The following NUDCD2 variants were observed in gnomAD, a reference collection of about 807,000 sequenced individuals.
The protein encoded by NUDCD2 is NudC domain containing 2.
A neutral mutation model predicts 20.8 loss-of-function variants in NUDCD2; 16 were observed. The observed-to-expected ratio is 0.77, with a 90% CI of 0.52 to 1.17. The LOEUF (loss-of-function observed/expected upper bound fraction) is 1.17, where lower values mean the gene tolerates loss of function less well. Ranked by LOEUF, NUDCD2 falls within the 50% of genes most tolerant of loss-of-function variation. NUDCD2 has a pLI of 0.00. For missense variants in NUDCD2, 199 were observed against 193.9 expected, an observed-to-expected ratio of 1.03 and a Z score of -0.16; for synonymous variants, 87 against 72.8, an observed-to-expected ratio of 1.20 and a Z score of -1.00.
Position 163,452,606 on chromosome 5 carries a change from G to T in NUDCD2, c.*1361C>A, listed in dbSNP as rs1230262167. On this transcript the variant is annotated 3_prime_UTR_variant, in exon 4 of 4. Transcript: ENST00000302764. ...TAGTATTTTGCAACTATCTTCTCAA[G>T]AAATAATTATAAAAATAACTACAGT... is the stretch of plus-strand genomic sequence containing the variant. 1 of 152,114 alleles carries T rather than the reference G, an allele frequency of 6.6e-6. No individual in the cohort carries two copies. The highest frequency in any genetic ancestry group is 1.5e-5 in the Non-Finnish European group (1 of 67,992). The allele number at this position is 152,114 out of a possible 1,614,324, so 9.4% of individuals were successfully genotyped here.
chr5:163,458,543 A>G (rs1255700635), intron 1 of NUDCD2, among the ~76,000 whole-genome samples: 1 of 152,058 alleles, frequency 6.6e-6, no homozygotes, highest in East Asian at 1.9e-4. Flanking sequence ...GTGAGCTACA[A>G]TCTCACCCCT....
At chr5:163,457,433 A>G (rs1758350912) in intron 2 of NUDCD2, 129 bp downstream of exon 2, 1 of 654,894 alleles carries the variant, frequency 1.5e-6, no homozygotes, top group Non-Finnish European at 2.7e-6. Context: ...TTGACATACA[A>G]CGGTTTTCAA....
chr5:163,459,672 A>G, intron 1 of NUDCD2, 190 bp downstream of exon 1: 1 of 438,028 alleles, frequency 2.3e-6, no homozygotes, highest in Non-Finnish European at 4.0e-6. Context: ...TAGGCTCCTC[A>G]AATTTCCACA....
chr5:163,455,174 T>C (rs1208467854), intron 3 of NUDCD2, among the ~76,000 whole-genome samples: 1 of 148,434 alleles, frequency 6.7e-6, no homozygotes, highest in Non-Finnish European at 1.5e-5. Flanking sequence ...ATAAGGGAAA[T>C]AAAATTATAT....
In NUDCD2 at chr5:163,449,784, A is replaced by C. The variant is rs571732432; in HGVS notation, c.*4183T>G. Reference sequence around the variant, plus strand: ...CATAAATAGCAATTGATTTCTGACAAAGGTGAAAAGACAACTCAATGGGGA... The same window carrying C: ...CATAAATAGCAATTGATTTCTGACACAGGTGAAAAGACAACTCAATGGGGA... On this transcript the variant is annotated 3_prime_UTR_variant, in exon 4 of 4. Coordinates refer to ENST00000302764, the MANE Select transcript of NUDCD2 (RefSeq NM_145266.6). The C allele has an allele frequency of 6.6e-6, 1 of 152,232 alleles. No individual in the cohort carries two copies. Among genetic ancestry groups the C allele is most frequent in the Non-Finnish European group, 1.5e-5 (1 of 68,038 alleles). 9.4% of individuals were successfully genotyped at this position (152,232 alleles called of 1,614,324 possible). A position where few individuals can be genotyped will look rare whatever the true frequency, so the allele number is the denominator to read the frequency against.
rs1468865715 is a variant in NUDCD2 at position 163,448,938 on chromosome 5, T to C, written c.*5029A>G. 1.3e-5 allele frequency: 2 copies of C among 152,166 alleles called. No individual in the cohort carries two copies. Among genetic ancestry groups the C allele is most frequent in the African/African-American group, 2.4e-5 (1 of 41,438 alleles). 9.4% of individuals were successfully genotyped at this position (152,166 alleles called of 1,614,324 possible). On this transcript the variant is annotated 3_prime_UTR_variant, in exon 4 of 4. Transcript: ENST00000302764. ...ACTCTGCTAACAACAAATTAATAGA[T>C]GGGAACTTGCTCAACATGACAAAGG...
chr5:163,452,148 G>A lies in NUDCD2; in HGVS notation c.*1819C>T, dbSNP rs974436727. ...ATGTGGAGAAGGAAAAAATGAAAAT[G>A]AAGCCCATGGGATCAGAATTTATAT... On this transcript the variant is annotated 3_prime_UTR_variant, in exon 4 of 4. Transcript: ENST00000302764. 2 of 152,006 alleles carry A rather than the reference G, an allele frequency of 1.3e-5. No homozygotes were observed. Among genetic ancestry groups the A allele is most frequent in the Non-Finnish European group, 2.9e-5 (2 of 68,008 alleles). The allele number at this position is 152,006 out of a possible 1,614,324, so 9.4% of individuals were successfully genotyped here.
In NUDCD2 at chr5:163,453,000, G is replaced by C. The variant is rs965699735; in HGVS notation, c.*967C>G. 1 of 152,166 alleles carries C rather than the reference G, an allele frequency of 6.6e-6. No homozygotes were observed. The highest frequency in any genetic ancestry group is 1.5e-5 in the Non-Finnish European group (1 of 68,030). The allele number at this position is 152,166 out of a possible 1,614,324, so 9.4% of individuals were successfully genotyped here. A position where few individuals can be genotyped will look rare whatever the true frequency, so the allele number is the denominator to read the frequency against. ...ATGAAGTGAAGATCTGAGGATTAGAGGGTAGTAATGTGTCAACGTAAATTT... is the reference window on the plus strand; with the variant it reads ...ATGAAGTGAAGATCTGAGGATTAGACGGTAGTAATGTGTCAACGTAAATTT... On this transcript the variant is annotated 3_prime_UTR_variant, in exon 4 of 4. Coordinates refer to ENST00000302764, the MANE Select transcript of NUDCD2 (RefSeq NM_145266.6).
At position 163,447,192 on chromosome 5, in the gene NUDCD2, C is replaced by T. The variant is rs1758057713; in HGVS notation, c.*6775G>A. ...ACCAGGTACAGAGACTCATTCATTC[C>T]TGTAATTCCAATGCTTTGGGAAGCC... On this transcript the variant is annotated 3_prime_UTR_variant, in exon 4 of 4. Coordinates refer to ENST00000302764, the MANE Select transcript of NUDCD2 (RefSeq NM_145266.6). 2 of 152,514 alleles carry T rather than the reference C, an allele frequency of 1.3e-5. 1 individual carries two copies. Among genetic ancestry groups the T allele is most frequent in the South Asian group, 3.8e-4 (2 of 5,232 alleles). The allele number at this position is 152,514 out of a possible 1,614,324, so 9.4% of individuals were successfully genotyped here.
intron 3 of NUDCD2, 135 bp downstream of exon 3, chr5:163,456,794 A>C: frequency 1.4e-6 from 1 of 709,360 alleles, no homozygotes; most frequent in Non-Finnish European, 2.1e-6. Flanking sequence ...CCATTTTTCT[A>C]ACAATTCACT....
At chr5:163,454,168 A>C in intron 3 of NUDCD2, 118 bp from the exon 4 acceptor site, 1 of 478,184 alleles carries the variant, frequency 2.1e-6, no homozygotes, top group Non-Finnish European at 3.7e-6. Flanking sequence ...AAAATATAAC[A>C]GACTTCACTG....
At chr5:163,457,181 G>A (rs1758341159) in intron 2 of NUDCD2, 101 bp from the exon 3 acceptor site, 1 of 1,240,642 alleles carries the variant, frequency 8.1e-7, no homozygotes, top group Non-Finnish European at 1.1e-6. Flanking sequence ...ACCCAGGCTG[G>A]AGTGCAGCGG....
Position 163,459,857 on chromosome 5 carries a change from G to C in NUDCD2, c.189+5C>G. The C allele has an allele frequency of 6.3e-7, 1 of 1,594,500 alleles. No homozygotes were observed. Among genetic ancestry groups the C allele is most frequent in the South Asian group, 1.1e-5 (1 of 88,918 alleles). The stretch of plus-strand genomic sequence containing the variant: ...AACTGAACACAAGCCCCGAGCTGCC[G>C]CTACCTTGAGGATCTCGCGGCCGCC... On this transcript the variant is annotated splice_donor_5th_base_variant and intron_variant, in intron 1 of 3. Transcript: ENST00000302764.
At chr5:163,457,126 T>C (rs546298856) in intron 2 of NUDCD2, 46 bp from the exon 3 acceptor site, 108 of 1,515,240 alleles carry the variant, frequency 7.1e-5, no homozygotes, top group Non-Finnish European at 8.9e-5. Context: ...AAATTAGAGT[T>C]CTTCATCAAG....
At chr5:163,457,959 C>T (rs1339824566) in intron 1 of NUDCD2, among the ~76,000 whole-genome samples, 2 of 144,506 alleles carry the variant, frequency 1.4e-5, no homozygotes, top group Non-Finnish European at 3.0e-5. Flanking sequence ...GGATCTCCTG[C>T]TAAAACTAAA....
rs1758061150 is a variant in NUDCD2, at chr5:163,447,347, A to C, written c.*6620T>G. The stretch of plus-strand genomic sequence containing the variant: ...ACATCTGTAGTCCTAGGTACTGAGG[A>C]GCCTGAGGTGGGAAGACTGTCTGAG... On this transcript the variant is annotated 3_prime_UTR_variant, in exon 4 of 4. Transcript: ENST00000302764. 6.6e-6 allele frequency: 1 copy of C among 151,576 alleles called. No homozygotes were observed. Among genetic ancestry groups the C allele is most frequent in the South Asian group, 2.1e-4 (1 of 4,776 alleles). 9.4% of individuals were successfully genotyped at this position (151,576 alleles called of 1,614,324 possible).
At position 163,448,229 on chromosome 5, in the gene NUDCD2, G is replaced by A. The variant is rs993401719; in HGVS notation, c.*5738C>T. 3 of 150,050 alleles carry A rather than the reference G, an allele frequency of 2.0e-5. No homozygotes were observed. Among genetic ancestry groups the A allele is most frequent in the Non-Finnish European group, 3.0e-5 (2 of 67,648 alleles). 9.3% of individuals were successfully genotyped at this position (150,050 alleles called of 1,614,324 possible). ...AAAAAAAAAGAGGCAGAAAATAAAT[G>A]CAATTGTAAACAAATTAATAGAAAA... On this transcript the variant is annotated 3_prime_UTR_variant, in exon 4 of 4. Coordinates refer to ENST00000302764, the MANE Select transcript of NUDCD2 (RefSeq NM_145266.6).
rs1758201205 is a variant in NUDCD2, at chr5:163,452,433, G to A, written c.*1534C>T. The A allele has an allele frequency of 6.6e-6, 1 of 152,102 alleles. No individual in the cohort carries two copies. Among genetic ancestry groups the A allele is most frequent in the Non-Finnish European group, 1.5e-5 (1 of 68,028 alleles). The allele number at this position is 152,102 out of a possible 1,614,324, so 9.4% of individuals were successfully genotyped here. A position where few individuals can be genotyped will look rare whatever the true frequency, so the allele number is the denominator to read the frequency against. On this transcript the variant is annotated 3_prime_UTR_variant, in exon 4 of 4. Transcript: ENST00000302764. ...TGGGAATGTGTCAGAAGGACACAGA[G>A]GCCACCCAGAATGGACTTCTACCAG...
chr5:163,459,913 G>A lies in NUDCD2; in HGVS notation c.138C>T (p.Gly46=), dbSNP rs534178431. Residue 46 remains glycine (G), a synonymous_variant, in exon 1 of 4, where the codon GGC becomes GGT. Transcript: ENST00000302764. ...PGTRAQDIQC[G]LQSRHVALSV... The stretch of plus-strand genomic sequence containing the variant: ...ACAGCGCCACATGCCGGCTCTGGAG[G>A]CCGCACTGGATATCCTGGGCGCGCG... 6.2e-7 allele frequency: 1 copy of A among 1,612,620 alleles called. No individual in the cohort carries two copies.
Sources: allele counts gnomAD v4.1 joint callset (sites outside exome capture counted in the v4.1 genomes callset), GRCh38; gene constraint gnomAD v4.1.1; transcripts MANE v1.5; gene names NCBI Gene and HGNC (gene_info 2026-07-23, HGNC 2026-07-21).